The following RBFOX1 variants were observed in gnomAD, a reference collection of about 807,000 sequenced individuals.
RBFOX1 encodes RNA binding fox-1 homolog 1, also known as RNA binding protein fox-1 homolog 1.
Under a neutral mutation model 57.7 loss-of-function variants are expected in RBFOX1, and 8 were observed. The observed-to-expected ratio is 0.14, with a 90% CI of 0.08 to 0.25. The LOEUF (loss-of-function observed/expected upper bound fraction) is 0.25. RBFOX1 is among the 10% of genes least tolerant of loss of function. The pLI is 1.00. For missense variants in RBFOX1, 611 were observed against 548.5 expected, an observed-to-expected ratio of 1.11 and a Z score of -1.14; for synonymous variants, 326 against 222.4, an observed-to-expected ratio of 1.47 and a Z score of -4.15.
intron 2 of RBFOX1, among the ~76,000 whole-genome samples, chr16:6,651,090 T>G (rs1459156763): frequency 2.0e-5 from 3 of 152,174 alleles, no homozygotes; most frequent in African/African-American, 7.2e-5. Flanking sequence ...TTAGTGGAGA[T>G]GGAGTTTCAC....
chr16:5,541,993 G>A (rs531984295), intron 2 of RBFOX1, among the ~76,000 whole-genome samples: 45 of 152,196 alleles, frequency 3.0e-4, no homozygotes, highest in South Asian at 6.2e-4. Flanking sequence ...ACCATCACCA[G>A]GGGCCTGTTT....
intron 4 of RBFOX1, among the ~76,000 whole-genome samples, chr16:7,464,155 G>A (rs1027705622): frequency 1.3e-5 from 2 of 152,002 alleles, no homozygotes; most frequent in East Asian, 3.9e-4. Context: ...CTTAAGATAG[G>A]GTTACATTAT....
chr16:7,343,977 A>C (rs2096945245), intron 4 of RBFOX1, among the ~76,000 whole-genome samples: 1 of 152,126 alleles, frequency 6.6e-6, no homozygotes, highest in Non-Finnish European at 1.5e-5. Context: ...ACCACAACCA[A>C]CACCAATGCA....
At chr16:6,714,349 T>C (rs1034773548) in intron 3 of RBFOX1, among the ~76,000 whole-genome samples, 22 of 152,224 alleles carry the variant, frequency 1.4e-4, no homozygotes, top group Admixed American at 7.2e-4. Flanking sequence ...GAAACACTAG[T>C]GTTCATGGTG....
intron 4 of RBFOX1, among the ~76,000 whole-genome samples, chr16:5,908,549 C>T (rs2058534801): frequency 6.6e-6 from 1 of 151,954 alleles, no homozygotes; most frequent in African/African-American, 2.4e-5. Context: ...GAAGCGTTTT[C>T]ACCATATTGG....
intron 6 of RBFOX1, among the ~76,000 whole-genome samples, chr16:7,584,602 C>T (rs1284077513): frequency 2.6e-5 from 4 of 152,188 alleles, no homozygotes; most frequent in South Asian, 2.1e-4. Flanking sequence ...GGATCCTGCT[C>T]TTGATACAGC....
At chr16:6,915,222 C>G (rs1208655946) in intron 3 of RBFOX1, among the ~76,000 whole-genome samples, 1 of 152,186 alleles carries the variant, frequency 6.6e-6, no homozygotes, top group Non-Finnish European at 1.5e-5. Flanking sequence ...GTTCTCCTAG[C>G]AGCTGGATGA....
intron 3 of RBFOX1, among the ~76,000 whole-genome samples, chr16:6,804,566 A>C (rs1240752360): frequency 6.6e-6 from 1 of 152,178 alleles, no homozygotes; most frequent in South Asian, 2.1e-4. Flanking sequence ...GTATGTGGCT[A>C]CTGTGGAAGC....
At chr16:5,854,305 ACTTTGTGTGTTTTGACCAACATCTCC>A (rs1001533339) in intron 3 of RBFOX1, among the ~76,000 whole-genome samples, 1 of 152,154 alleles carries the variant, frequency 6.6e-6, no homozygotes, top group African/African-American at 2.4e-5. Flanking sequence ...CGTAACTGAA[ACTTTGTGTGTTTTGACCAACATCTCC>A]CTATTTCTTC....
At chr16:6,708,440 T>G (rs903434912) in intron 3 of RBFOX1, among the ~76,000 whole-genome samples, 8 of 152,220 alleles carry the variant, frequency 5.3e-5, no homozygotes, top group African/African-American at 1.7e-4. Flanking sequence ...CCTGTCATTT[T>G]TGTGAAAAGT....
chr16:5,854,027 A>G (rs896200107), intron 3 of RBFOX1, among the ~76,000 whole-genome samples: 1 of 152,192 alleles, frequency 6.6e-6, no homozygotes, highest in African/African-American at 2.4e-5. Context: ...TTCTATTTTT[A>G]ATTTTTGCCA....
At chr16:5,944,289 A>G (rs926631485) in intron 4 of RBFOX1, among the ~76,000 whole-genome samples, 1 of 152,208 alleles carries the variant, frequency 6.6e-6, no homozygotes, top group Admixed American at 6.5e-5. Context: ...CTAGGAATGG[A>G]TGAATGGTCA....
chr16:7,411,902 C>CAAAAA (rs60700135), intron 4 of RBFOX1, among the ~76,000 whole-genome samples: 2 of 95,410 alleles, frequency 2.1e-5, no homozygotes, highest in East Asian at 3.9e-4. Flanking sequence ...AAACTCCTTT[C>CAAAAA]AAAAAAAAAA....
chr16:6,824,038 C>G (rs1410277361), intron 3 of RBFOX1, among the ~76,000 whole-genome samples: 3 of 152,182 alleles, frequency 2.0e-5, no homozygotes. Context: ...TCTCCATTAT[C>G]TGGATTTCCA....
At chr16:6,128,397 G>A (rs966884189) in intron 1 of RBFOX1, among the ~76,000 whole-genome samples, 6 of 152,178 alleles carry the variant, frequency 3.9e-5, no homozygotes, top group Non-Finnish European at 7.3e-5. Flanking sequence ...CAGACTGAAA[G>A]CAATGAAATA....
chr16:7,664,375 A>G lies in RBFOX1; in HGVS notation c.891-554A>G, dbSNP rs557701124. Among the ~76,000 whole-genome samples, 56 of 152,340 alleles carry G rather than the reference A, an allele frequency of 3.7e-4. 3 individuals are homozygous for G. The highest frequency in any genetic ancestry group is 2.4e-3 in the Admixed American group (37 of 15,294). On this transcript the variant is annotated intron_variant, in intron 12 of 15. Transcript: ENST00000550418. ...ATTAACCATAAAATAATGCACGTGC[A>G]ATTACCAAATATAATACAATGTGAA...
intron 2 of RBFOX1, chr16:5,467,259 G>A (rs1462459256): frequency 6.7e-7 from 1 of 1,493,260 alleles, no homozygotes; most frequent in Admixed American, 2.0e-5. Context: ...GGTCAGGTAA[G>A]TGCTCATTTT....
chr16:5,723,970 T>C (rs560505255), intron 3 of RBFOX1, among the ~76,000 whole-genome samples: 1 of 152,264 alleles, frequency 6.6e-6, no homozygotes, highest in Admixed American at 6.5e-5. Flanking sequence ...AAAAATGTTT[T>C]GGAGTGGTCC....
intron 2 of RBFOX1, among the ~76,000 whole-genome samples, chr16:6,485,921 T>A (rs1439442212): frequency 6.6e-6 from 1 of 152,094 alleles, no homozygotes; most frequent in Non-Finnish European, 1.5e-5. Context: ...TGCTGACTTA[T>A]GGGCCAGGTA....
Sources: allele counts gnomAD v4.1 joint callset (sites outside exome capture counted in the v4.1 genomes callset), GRCh38; gene constraint gnomAD v4.1.1; transcripts MANE v1.5; gene names NCBI Gene and HGNC (gene_info 2026-07-23, HGNC 2026-07-21).